RAB18: variants seen among roughly 807,000 people sequenced by gnomAD.
The protein encoded by RAB18 is RAB18, member RAS oncogene family, also known as ras-related protein Rab-18.
In RAB18, 10 loss-of-function variants were observed where a neutral mutation model predicts 28.5. The observed-to-expected ratio is 0.35, with a 90% CI of 0.22 to 0.60. The LOEUF is 0.60. Ranked by LOEUF, RAB18 falls within the 20% of genes least tolerant of loss-of-function variation. The probability of loss-of-function intolerance (pLI) is 0.78; values close to 1 mark genes in which losing one functional copy is unlikely to be tolerated. For missense variants in RAB18, 188 were observed against 244.2 expected (o/e 0.77, Z 1.53); for synonymous variants, 93 against 86.9 (o/e 1.07, Z -0.39).
chr10:27,524,658 A>G (rs952897363), intron 2 of RAB18, among the ~76,000 whole-genome samples: 2 of 152,244 alleles, frequency 1.3e-5, no homozygotes, highest in African/African-American at 2.4e-5. Context: ...TGTGAGCTCC[A>G]TGTTATCCAC....
At chr10:27,536,365 C>T (rs1446597848) in intron 6 of RAB18, among the ~76,000 whole-genome samples, 2 of 152,236 alleles carry the variant, frequency 1.3e-5, no homozygotes, top group East Asian at 1.9e-4. Context: ...GAAGCCTGGG[C>T]AACATAGTGA....
At chr10:27,525,629 G>T (rs1834656323) in intron 2 of RAB18, among the ~76,000 whole-genome samples, 1 of 152,068 alleles carries the variant, frequency 6.6e-6, no homozygotes, top group Non-Finnish European at 1.5e-5. Flanking sequence ...AATCAACACT[G>T]TCCTTTTACT....
In RAB18 at chr10:27,522,538, A is replaced by T. The variant is rs186918218; in HGVS notation, c.125-4290A>T. Among the ~76,000 whole-genome samples the T allele has an allele frequency of 1.4e-4, 22 of 152,276 alleles. 1 individual carries two copies. Among genetic ancestry groups the T allele is most frequent in the Non-Finnish European group, 1.0e-4 (7 of 67,984 alleles). On this transcript the variant is annotated intron_variant, in intron 2 of 6. Transcript: ENST00000356940. ...TGATAGGAGAGTTTATTCTATTTGC[A>T]TTTAATATACCAATAAGGAAGGACT... is the stretch of plus-strand genomic sequence containing the variant.
chr10:27,535,649 T>G (rs1433836538), intron 6 of RAB18, among the ~76,000 whole-genome samples: 1 of 152,190 alleles, frequency 6.6e-6, no homozygotes, highest in Non-Finnish European at 1.5e-5. Flanking sequence ...AGAGACTAGT[T>G]CTTCTCTTGC....
chr10:27,540,481 CTT>C lies in RAB18; in HGVS notation c.*2433_*2434del. ...GCAGTTCCACTATTTCTTTATCACT[CTT>C]TTGTTATATGTAATAGAAGTATTTC... On this transcript the variant is annotated 3_prime_UTR_variant, in exon 7 of 7. Transcript: ENST00000356940. 1 of 454,024 alleles carries C rather than the reference CTT, an allele frequency of 2.2e-6. No individual in the cohort carries two copies. The highest frequency in any genetic ancestry group is 7.0e-5 in the East Asian group (1 of 14,388). The allele number at this position is 454,024 out of a possible 1,614,324, so 28.1% of individuals were successfully genotyped here.
At chr10:27,516,530 C>T (rs1834440737) in intron 2 of RAB18, among the ~76,000 whole-genome samples, 1 of 151,316 alleles carries the variant, frequency 6.6e-6, no homozygotes, top group African/African-American at 2.4e-5. Flanking sequence ...TGCACTCCAG[C>T]CTGGGTGACA....
At chr10:27,534,475 C>T (rs1589589418) in intron 6 of RAB18, among the ~76,000 whole-genome samples, 1 of 152,348 alleles carries the variant, frequency 6.6e-6, no homozygotes, top group East Asian at 1.9e-4. Flanking sequence ...TCTGGCCCCA[C>T]CATTTGTATT....
In RAB18 at chr10:27,532,125, TA is replaced by T. The variant is rs61705821; in HGVS notation, c.187-369del. 2.3e-3 allele frequency among the ~76,000 whole-genome samples: 341 copies of T among 145,588 alleles called. 3 individuals are homozygous for T. The highest frequency in any genetic ancestry group is 0.017 in the East Asian group (88 of 5,070). ...TACATTAAAAGCACCTGGTAAGATT[TA>T]AAAAAAAAAAAATTCCTGTCATTAC... On this transcript the variant is annotated intron_variant, in intron 3 of 6. Coordinates refer to ENST00000356940, the MANE Select transcript of RAB18 (RefSeq NM_021252.5).
chr10:27,517,020 A>G (rs973772071), intron 2 of RAB18, among the ~76,000 whole-genome samples: 6 of 152,188 alleles, frequency 3.9e-5, no homozygotes, highest in African/African-American at 1.4e-4. Flanking sequence ...ATAAACAAGT[A>G]GGCACCAAAC....
intron 2 of RAB18, among the ~76,000 whole-genome samples, chr10:27,523,888 G>A (rs1834619982): frequency 6.6e-6 from 1 of 151,922 alleles, no homozygotes; most frequent in South Asian, 2.1e-4. Flanking sequence ...GACCATACTG[G>A]CTAACACGGT....
At chr10:27,523,923 C>G (rs1056720563) in intron 2 of RAB18, among the ~76,000 whole-genome samples, 2 of 151,012 alleles carry the variant, frequency 1.3e-5, no homozygotes, top group Non-Finnish European at 3.0e-5. Flanking sequence ...ACTAAAAATA[C>G]AAAAAATTAG....
At position 27,539,250 on chromosome 10, in the gene RAB18, C is replaced by T. The variant is rs1224804937; in HGVS notation, c.*1199C>T. On this transcript the variant is annotated 3_prime_UTR_variant, in exon 7 of 7. Transcript: ENST00000356940. ...TTACACTGATCTCTGCTATTTTAAC[C>T]CCCCAAATAAGTTATTTGTCCTTTA... 1 of 308,518 alleles carries T rather than the reference C, an allele frequency of 3.2e-6. No homozygotes were observed. Among genetic ancestry groups the T allele is most frequent in the African/African-American group, 2.2e-5 (1 of 45,394 alleles). The allele number at this position is 308,518 out of a possible 1,614,324, so 19.1% of individuals were successfully genotyped here. A position where few individuals can be genotyped will look rare whatever the true frequency, so the allele number is the denominator to read the frequency against.
At chr10:27,521,044 A>AT (rs1589573051) in intron 2 of RAB18, among the ~76,000 whole-genome samples, 2 of 133,822 alleles carry the variant, frequency 1.5e-5, no homozygotes, top group South Asian at 2.4e-4. Context: ...TTTTTCTGTG[A>AT]TTTTATTGGT....
intron 1 of RAB18, among the ~76,000 whole-genome samples, chr10:27,508,158 T>A (rs974586613): frequency 2.2e-4 from 34 of 152,314 alleles, no homozygotes; most frequent in Admixed American, 1.8e-3. Flanking sequence ...AATGCACACA[T>A]AGAATTTAGA....
chr10:27,517,835 A>G (rs938155416), intron 2 of RAB18, among the ~76,000 whole-genome samples: 1 of 152,184 alleles, frequency 6.6e-6, no homozygotes, highest in Non-Finnish European at 1.5e-5. Context: ...ACCTGGTGCT[A>G]TCCCTTTCTG....
chr10:27,528,360 A>T, intron 3 of RAB18: 1 of 478,814 alleles, frequency 2.1e-6, no homozygotes. Context: ...GGTCATTCTA[A>T]AAGGGATAAT....
rs1228057045 is a variant in RAB18, at chr10:27,538,812, T to C, written c.*761T>C. 3 of 453,962 alleles carry C rather than the reference T, an allele frequency of 6.6e-6. No individual in the cohort carries two copies. The highest frequency in any genetic ancestry group is 1.3e-5 in the Non-Finnish European group (3 of 226,764). 28.1% of individuals were successfully genotyped at this position (453,962 alleles called of 1,614,324 possible). On this transcript the variant is annotated 3_prime_UTR_variant, in exon 7 of 7. Transcript: ENST00000356940. ...CCCCCATTTTGGTTTCAGGAGGACA[T>C]GAATAGTGTGTTTATTGTAACTCCT...
rs1366055676 is a variant in RAB18, at chr10:27,539,847, G to C, written c.*1796G>C. 1 of 453,874 alleles carries C rather than the reference G, an allele frequency of 2.2e-6. No individual in the cohort carries two copies. The highest frequency in any genetic ancestry group is 2.0e-5 in the African/African-American group (1 of 50,106). The allele number at this position is 453,874 out of a possible 1,614,324, so 28.1% of individuals were successfully genotyped here. A position where few individuals can be genotyped will look rare whatever the true frequency, so the allele number is the denominator to read the frequency against. The stretch of plus-strand genomic sequence containing the variant: ...TTCCCTAGATGCATTTGTGTAGGAA[G>C]TATATACATTTCCCTATTACTCTCA... On this transcript the variant is annotated 3_prime_UTR_variant, in exon 7 of 7. Coordinates refer to ENST00000356940, the MANE Select transcript of RAB18 (RefSeq NM_021252.5).
At chr10:27,527,713 A>C (rs2132399363) in intron 3 of RAB18, among the ~76,000 whole-genome samples, 1 of 152,224 alleles carries the variant, frequency 6.6e-6, no homozygotes, top group African/African-American at 2.4e-5. Flanking sequence ...ATCGAGACTT[A>C]TTTCCACATG....
Sources: allele counts gnomAD v4.1 joint callset (sites outside exome capture counted in the v4.1 genomes callset), GRCh38; gene constraint gnomAD v4.1.1; transcripts MANE v1.5; gene names NCBI Gene and HGNC (gene_info 2026-07-23, HGNC 2026-07-21).